The following C10orf71 variants were observed in gnomAD, a reference collection of about 807,000 sequenced individuals.
C10orf71 encodes the protein cardiac-enriched FHL2-interacting protein.
For synonymous variants in C10orf71, 758 were observed against 726.3 expected (o/e 1.04, Z -0.70); for missense variants, 1,869 against 1,804.5 (o/e 1.04, Z -0.65).
At chr10:49,321,705 C>A (rs908969544) in intron 2 of C10orf71, among the ~76,000 whole-genome samples, 1 of 152,290 alleles carries the variant, frequency 6.6e-6, no homozygotes, top group Admixed American at 6.5e-5. Flanking sequence ...ACATCCTTAC[C>A]AACACTTGTC....
rs773709764 is a variant in C10orf71, at chr10:49,324,650, T to C, written c.2105T>C (p.Leu702Pro). ...HLNQKFFPGP[L>P]SPEEEDVFYS... is the part of the protein sequence containing the mutation. ...AACCAGAAATTCTTCCCAGGGCCCC[T>C]CTCTCCTGAGGAGGAAGATGTGTTT... is the stretch of plus-strand genomic sequence containing the variant. The change falls in exon 3 of 3, where the codon CTC (leucine) becomes CCC (proline). Residue 702 changes from leucine to proline, a missense_variant. Leu to Pro is a moderately conservative substitution (Grantham distance 98). Transcript: ENST00000374144. The C allele has an allele frequency of 1.2e-6, 2 of 1,613,424 alleles. No homozygotes were observed. The highest frequency in any genetic ancestry group is 1.7e-5 in the Admixed American group (1 of 59,944).
At chr10:49,302,675 C>T (rs1167761740) in intron 1 of C10orf71, among the ~76,000 whole-genome samples, 1 of 152,202 alleles carries the variant, frequency 6.6e-6, no homozygotes, top group African/African-American at 2.4e-5. Context: ...CCTCCTGATA[C>T]CCAGAGCTCC....
At chr10:49,318,372 G>A (rs1490685299) in intron 2 of C10orf71, among the ~76,000 whole-genome samples, 1 of 152,218 alleles carries the variant, frequency 6.6e-6, no homozygotes, top group Non-Finnish European at 1.5e-5. Context: ...CATCACGTGG[G>A]CTGATGCTCT....
chr10:49,318,310 T>C (rs569587261), intron 2 of C10orf71, among the ~76,000 whole-genome samples: 1 of 152,348 alleles, frequency 6.6e-6, no homozygotes, highest in South Asian at 2.1e-4. Context: ...GGAGCATGTG[T>C]CTTCTACTGG....
Position 49,327,068 on chromosome 10 carries a change from G to A in C10orf71, c.*215G>A, listed in dbSNP as rs184723141. ...GGCTCCCTGGCTCTCCTCTGATGGAGGGGCACTGCTTGCTTGGCCCGGTCC... is the reference window on the plus strand; with the variant it reads ...GGCTCCCTGGCTCTCCTCTGATGGAAGGGCACTGCTTGCTTGGCCCGGTCC... On this transcript the variant is annotated 3_prime_UTR_variant, in exon 3 of 3. Transcript: ENST00000374144. The A allele has an allele frequency of 1.8e-3, 2,794 of 1,514,902 alleles. 4 individuals are homozygous for A. The highest frequency in any genetic ancestry group is 2.3e-3 in the Non-Finnish European group (2,542 of 1,123,236). 93.8% of individuals were successfully genotyped at this position (1,514,902 alleles called of 1,614,324 possible).
upstream of C10orf71, among the ~76,000 whole-genome samples, chr10:49,298,268 C>T (rs777307317): frequency 9.2e-5 from 14 of 152,212 alleles, no homozygotes; most frequent in Non-Finnish European, 1.9e-4. Context: ...AGCAGGACAC[C>T]CAGCGGGGGC....
rs371013291 is a variant in C10orf71, at chr10:49,325,631, C to T, written c.3086C>T (p.Pro1029Leu). Residue 1029 changes from proline to leucine, a missense_variant, in exon 3 of 3, where the codon CCA becomes CTA. Transcript: ENST00000374144. ...GAAAACTGTTGGGAAGAGCAAACAC[C>T]AGGTTTCAAGAGTCACTTTTTGTCC... ...QPENCWEEQT[P>L]GFKSHFLSTP... The T allele has an allele frequency of 1.9e-6, 3 of 1,552,136 alleles. No homozygotes were observed. The highest frequency in any genetic ancestry group is 2.7e-5 in the African/African-American group (2 of 73,182).
rs757907021 is a variant in C10orf71 at position 49,323,775 on chromosome 10, T to C, written c.1230T>C (p.Pro410=). 1.9e-6 allele frequency: 3 copies of C among 1,614,004 alleles called. No homozygotes were observed. Among genetic ancestry groups the C allele is most frequent in the South Asian group, 2.2e-5 (2 of 91,088 alleles). Residue 410 remains proline (P), a synonymous_variant, in exon 3 of 3, where the codon CCT becomes CCC. Coordinates refer to ENST00000374144, the MANE Select transcript of C10orf71 (RefSeq NM_001135196.2). ...EKTQTNQRGP[P]LYTKHNPQEQ... ...CACAGACCAACCAGAGAGGCCCACC[T>C]TTGTATACAAAACACAACCCCCAGG...
chr10:49,307,747 G>T (rs533182110), intron 1 of C10orf71, among the ~76,000 whole-genome samples: 4 of 152,298 alleles, frequency 2.6e-5, no homozygotes, highest in African/African-American at 9.6e-5. Flanking sequence ...ACATCGCTTG[G>T]CCTGCCCTGG....
chr10:49,326,684 C>T lies in C10orf71; in HGVS notation c.4139C>T (p.Ser1380Phe). The change falls in exon 3 of 3, where the codon TCT becomes TTT. Residue 1380 changes from serine (S) to phenylalanine (F), a missense_variant. By Grantham distance (155) the Ser-to-Phe change is radical (BLOSUM62 -2). Coordinates refer to ENST00000374144, the MANE Select transcript of C10orf71 (RefSeq NM_001135196.2). ...ARARTQSVHE[S>F]GLQLDPGPHG... Reference sequence around the variant, plus strand: ...GCCAGGACCCAGAGTGTCCACGAGTCTGGACTACAGCTGGACCCAGGGCCT... The same window carrying T: ...GCCAGGACCCAGAGTGTCCACGAGTTTGGACTACAGCTGGACCCAGGGCCT... 6.4e-7 allele frequency: 1 copy of T among 1,551,038 alleles called. No homozygotes were observed. The highest frequency in any genetic ancestry group is 1.4e-5 in the African/African-American group (1 of 73,164).
intron 2 of C10orf71, among the ~76,000 whole-genome samples, chr10:49,316,818 G>A (rs768306687): frequency 6.6e-6 from 1 of 152,040 alleles, no homozygotes; most frequent in South Asian, 2.1e-4. Context: ...CTTGGCCCTC[G>A]GGAGCCTCTG....
intron 2 of C10orf71, among the ~76,000 whole-genome samples, chr10:49,318,806 T>C (rs1424581825): frequency 2.0e-5 from 3 of 152,204 alleles, no homozygotes; most frequent in Non-Finnish European, 4.4e-5. Context: ...CAAAGAATGG[T>C]TGCAATCTCA....
chr10:49,301,912 G>A (rs888920221), intron 1 of C10orf71, among the ~76,000 whole-genome samples: 4 of 152,138 alleles, frequency 2.6e-5, no homozygotes, highest in Admixed American at 2.6e-4. Context: ...TCTCTGCTTG[G>A]CCAATCCCAG....
At chr10:49,300,314 G>A (rs1021583000) in intron 1 of C10orf71, among the ~76,000 whole-genome samples, 2 of 152,112 alleles carry the variant, frequency 1.3e-5, no homozygotes, top group African/African-American at 4.8e-5. Context: ...TCATTCATTT[G>A]CATATTGTCT....
rs773291046 is a variant in C10orf71 at position 49,325,196 on chromosome 10, C to A, written c.2651C>A (p.Ser884Tyr). The A allele has an allele frequency of 6.4e-7, 1 of 1,552,044 alleles. No individual in the cohort carries two copies. Among genetic ancestry groups the A allele is most frequent in the Non-Finnish European group, 8.7e-7 (1 of 1,147,072 alleles). The change falls in exon 3 of 3, where the codon TCC becomes TAC. Residue 884 changes from serine to tyrosine, a missense_variant. Ser to Tyr is a moderately radical substitution (Grantham distance 144). Coordinates refer to ENST00000374144, the MANE Select transcript of C10orf71 (RefSeq NM_001135196.2). ...CTGAGGACCATGTCCTTGGAGGACT[C>A]CCTCAGCAGTGGCCACAAAGAGGAG... is the stretch of plus-strand genomic sequence containing the variant. ...PLLRTMSLED[S>Y]LSSGHKEEEL...
rs781764856 is a variant in C10orf71 at position 49,324,688 on chromosome 10, C to T, written c.2143C>T (p.Gln715Ter). The change falls in exon 3 of 3, where the codon CAA (glutamine) becomes TAA (stop). Residue 715 changes from glutamine (Q) to a stop codon, truncating the protein, a stop_gained. Coordinates refer to ENST00000374144, the MANE Select transcript of C10orf71 (RefSeq NM_001135196.2). LOFTEE classifies it low-confidence loss of function (END_TRUNC). ...GGAAGATGTGTTTTACAGTGACAGC[C>T]AATCCGATTTTATGCCAAGCCTCAA... Reference protein sequence around the residue: ...EEEDVFYSDSQSDFMPSLKGK... With the variant: ...EEEDVFYSDS 1 of 1,609,276 alleles carries T rather than the reference C, an allele frequency of 6.2e-7. No homozygotes were observed. Among genetic ancestry groups the T allele is most frequent in the Non-Finnish European group, 8.5e-7 (1 of 1,177,576 alleles).
intron 2 of C10orf71, among the ~76,000 whole-genome samples, chr10:49,318,496 C>A (rs1320028764): frequency 1.3e-5 from 2 of 152,224 alleles, no homozygotes; most frequent in Non-Finnish European, 2.9e-5. Context: ...AGAGGCCTTC[C>A]CAGAGCAGGT....
In C10orf71 at chr10:49,316,192, C is replaced by G. The variant is rs1041537805; in HGVS notation, c.-200C>G. 3.3e-5 allele frequency: 5 copies of G among 152,216 alleles called. No homozygotes were observed. The highest frequency in any genetic ancestry group is 1.2e-4 in the African/African-American group (5 of 41,450). The allele number at this position is 152,216 out of a possible 1,614,324, so 9.4% of individuals were successfully genotyped here. A position where few individuals can be genotyped will look rare whatever the true frequency, so the allele number is the denominator to read the frequency against. On this transcript the variant is annotated 5_prime_UTR_variant, in exon 2 of 3. Coordinates refer to ENST00000374144, the MANE Select transcript of C10orf71 (RefSeq NM_001135196.2). ...ATAAGCATAAAAAGACGTTTTAAAA[C>G]TACAGATCCTGAAACCCAGCACGGC...
At position 49,323,554 on chromosome 10, in the gene C10orf71, A is replaced by C. The variant is rs1849143932; in HGVS notation, c.1009A>C (p.Arg337=). 2 of 1,608,444 alleles carry C rather than the reference A, an allele frequency of 1.2e-6. No individual in the cohort carries two copies. The highest frequency in any genetic ancestry group is 1.3e-5 in the African/African-American group (1 of 74,838). The change falls in exon 3 of 3, where the codon AGA becomes CGA. Residue 337 remains arginine (R), a synonymous_variant. Coordinates refer to ENST00000374144, the MANE Select transcript of C10orf71 (RefSeq NM_001135196.2). ...VQASCSQEEN[R]LAAGALSTSI... ...GGCCAGCTGCAGTCAGGAAGAGAAC[A>C]GACTTGCAGCAGGGGCTCTGTCCAC... is the stretch of plus-strand genomic sequence containing the variant.
Sources: gnomAD v4.1 joint callset for allele counts (sites outside exome capture counted in the v4.1 genomes callset) on GRCh38, gnomAD v4.1.1 for gene constraint, MANE v1.5 for transcripts, NCBI Gene and HGNC (gene_info 2026-07-23, HGNC 2026-07-21) for gene names.